Variants in ABCB5 observed in about 807,000 individuals in gnomAD.
ABCB5 encodes the protein ATP-binding cassette sub-family B member 5.
In ABCB5, 155 loss-of-function variants were observed where a neutral mutation model predicts 144.2. That is an observed-to-expected ratio of 1.08 (90% CI 0.94 to 1.23). The LOEUF is 1.23. Among genes scored for constraint, ABCB5 ranks in the 50% most tolerant of loss-of-function variants. ABCB5 has a pLI of 0.00. For missense variants in ABCB5, 1,830 were observed against 1,520.8 expected, an observed-to-expected ratio of 1.20 and a Z score of -3.38; for synonymous variants, 610 against 528.6, an observed-to-expected ratio of 1.15 and a Z score of -2.11.
intron 3 of ABCB5, 135 bp from the exon 4 acceptor site, chr7:20,628,553 A>C: frequency 1.2e-6 from 1 of 801,472 alleles, no homozygotes; most frequent in Non-Finnish European, 1.9e-6. Context: ...GATTTTATGC[A>C]CTTATTTACC....
Position 20,658,544 on chromosome 7 carries a change from G to A in ABCB5, c.1575G>A (p.Met525Ile), listed in dbSNP as rs765670810. The A allele has an allele frequency of 6.2e-7, 1 of 1,614,160 alleles. No homozygotes were observed. Among genetic ancestry groups the A allele is most frequent in the Non-Finnish European group, 8.5e-7 (1 of 1,180,020 alleles). ...TGGTAGGGGAAAAAGGAGCTCAAAT[G>A]AGTGGAGGGCAGAAACAGAGGATCG... ...NTLVGEKGAQ[M>I]SGGQKQRIAI... Residue 525 changes from methionine (M) to isoleucine (I), a missense_variant, in exon 14 of 28, where the codon ATG becomes ATA. Coordinates refer to ENST00000404938, the MANE Select transcript of ABCB5 (RefSeq NM_001163941.2).
At chr7:20,736,983 T>A (rs2128053759) in intron 23 of ABCB5, among the ~76,000 whole-genome samples, 1 of 152,108 alleles carries the variant, frequency 6.6e-6, no homozygotes, top group African/African-American at 2.4e-5. Context: ...AGGTCAGCAG[T>A]TCGAGACCAG....
intron 23 of ABCB5, among the ~76,000 whole-genome samples, chr7:20,730,642 T>C (rs62453387): frequency 0.11 from 16,002 of 152,288 alleles, 946 homozygotes; most frequent in Non-Finnish European, 0.13. Context: ...GGTTTCATTC[T>C]GATTACATAA....
chr7:20,644,254 T>C (rs569082425), intron 7 of ABCB5, among the ~76,000 whole-genome samples: 3 of 152,220 alleles, frequency 2.0e-5, no homozygotes, highest in Admixed American at 6.5e-5. Context: ...AACTTTTGTA[T>C]TTTTTGTAGA....
chr7:20,650,326 G>C (rs12674033), intron 12 of ABCB5, among the ~76,000 whole-genome samples, 179 bp downstream of exon 12: 1 of 152,120 alleles, frequency 6.6e-6, no homozygotes, highest in Non-Finnish European at 1.5e-5. Flanking sequence ...CTATGTGTCA[G>C]GCACTGTTTT....
chr7:20,750,408 A>G (rs987409413), intron 26 of ABCB5, among the ~76,000 whole-genome samples: 2 of 151,936 alleles, frequency 1.3e-5, no homozygotes, highest in African/African-American at 2.4e-5. Context: ...ACACACACAC[A>G]CACACACACA....
At chr7:20,750,210 A>C (rs1242322601) in intron 26 of ABCB5, among the ~76,000 whole-genome samples, 1 of 152,226 alleles carries the variant, frequency 6.6e-6, no homozygotes, top group Non-Finnish European at 1.5e-5. Context: ...CTACAATAAC[A>C]ATTACAAAGT....
intron 5 of ABCB5, among the ~76,000 whole-genome samples, chr7:20,634,254 G>GTA (rs1784103641): frequency 6.7e-6 from 1 of 149,824 alleles, no homozygotes; most frequent in Non-Finnish European, 1.5e-5. Context: ...GTGTGTGTGT[G>GTA]TGTGTGTGTG....
At chr7:20,691,046 G>C (rs1786205228) in intron 16 of ABCB5, among the ~76,000 whole-genome samples, 1 of 151,956 alleles carries the variant, frequency 6.6e-6, no homozygotes, top group Non-Finnish European at 1.5e-5. Context: ...ATGCAAAGTA[G>C]GATAGTGATC....
At chr7:20,707,861 T>C (rs1162745819) in intron 20 of ABCB5, among the ~76,000 whole-genome samples, 1 of 134,880 alleles carries the variant, frequency 7.4e-6, no homozygotes, top group African/African-American at 2.8e-5. Context: ...TGGAATGCAG[T>C]GGCGCGATCT....
chr7:20,678,117 T>G (rs565739167), intron 14 of ABCB5, among the ~76,000 whole-genome samples: 6 of 152,346 alleles, frequency 3.9e-5, no homozygotes, highest in African/African-American at 1.4e-4. Context: ...ACAGGTACTA[T>G]TAGTATATTG....
intron 16 of ABCB5, among the ~76,000 whole-genome samples, chr7:20,697,952 A>C: frequency 6.6e-6 from 1 of 152,258 alleles, no homozygotes; most frequent in Admixed American, 6.5e-5. Flanking sequence ...TTGTAAATAC[A>C]TCTTGAAACT....
At chr7:20,658,732 A>T in intron 14 of ABCB5, 56 bp downstream of exon 14, 1 of 1,575,030 alleles carries the variant, frequency 6.3e-7, no homozygotes, top group Non-Finnish European at 8.6e-7. Flanking sequence ...ATTGTTTTGA[A>T]GTACAAGAAA....
intron 26 of ABCB5, among the ~76,000 whole-genome samples, chr7:20,750,493 A>T (rs779143543): frequency 2.0e-5 from 3 of 152,202 alleles, no homozygotes; most frequent in Non-Finnish European, 4.4e-5. Flanking sequence ...ATGTGAGGAT[A>T]TAATATAGTC....
intron 13 of ABCB5, among the ~76,000 whole-genome samples, chr7:20,656,764 T>G (rs35120147): frequency 0.19 from 29,253 of 151,996 alleles, 3,000 homozygotes; most frequent in African/African-American, 0.26. Context: ...TTATTCAAAA[T>G]AAATGAAAAC....
At chr7:20,675,741 A>C (rs1028484113) in intron 14 of ABCB5, among the ~76,000 whole-genome samples, 1 of 151,998 alleles carries the variant, frequency 6.6e-6, no homozygotes, top group African/African-American at 2.4e-5. Context: ...AAGGAAAAAA[A>C]AATTGGAAAC....
At chr7:20,676,434 C>T (rs945536590) in intron 14 of ABCB5, among the ~76,000 whole-genome samples, 3 of 152,012 alleles carry the variant, frequency 2.0e-5, no homozygotes, top group Admixed American at 2.0e-4. Context: ...GGAGGAAGTC[C>T]ATATGGAACA....
At chr7:20,626,720 G>A in intron 3 of ABCB5, 109 bp downstream of exon 3, 4 of 826,170 alleles carry the variant, frequency 4.8e-6, no homozygotes, top group South Asian at 3.3e-5. Context: ...GTGGGAAAGA[G>A]GGAACTAAAA....
At chr7:20,741,465 T>C (rs897691098) in intron 24 of ABCB5, among the ~76,000 whole-genome samples, 7 of 152,062 alleles carry the variant, frequency 4.6e-5, no homozygotes, top group Admixed American at 6.5e-5. Flanking sequence ...AAATTTTTTA[T>C]ACAAATAATA....
Sources: gnomAD v4.1 joint callset for allele counts (sites outside exome capture counted in the v4.1 genomes callset) on GRCh38, gnomAD v4.1.1 for gene constraint, MANE v1.5 for transcripts, NCBI Gene and HGNC (gene_info 2026-07-23, HGNC 2026-07-21) for gene names.